Variants in AKR1D1 observed in about 807,000 individuals in gnomAD.
AKR1D1 encodes aldo-keto reductase family 1 member D1.
AKR1D1 carries 32 observed loss-of-function variants against 42.6 expected under a neutral mutation model. The ratio of observed to expected loss-of-function variants is 0.75; its 90% CI spans 0.57 to 1.01. The LOEUF (loss-of-function observed/expected upper bound fraction) is 1.01, where lower values mean the gene tolerates loss of function less well. AKR1D1 is among the 50% of genes least tolerant of loss of function. AKR1D1 has a pLI of 0.00. For synonymous variants in AKR1D1, 123 were observed against 135.5 expected (o/e 0.91, Z 0.64); for missense variants, 364 against 402.2 (o/e 0.91, Z 0.81).
intron 5 of AKR1D1, 124 bp from the exon 6 acceptor site, chr7:138,106,484 T>A (rs1169091682): frequency 1.3e-6 from 1 of 747,766 alleles, no homozygotes; most frequent in African/African-American, 1.7e-5. Context: ...ACACGAAATG[T>A]ATATAGTATG....
chr7:138,077,431 C>T (rs920379684), intron 1 of AKR1D1, among the ~76,000 whole-genome samples: 3 of 152,182 alleles, frequency 2.0e-5, no homozygotes, highest in Non-Finnish European at 4.4e-5. Context: ...AAGTAACCTT[C>T]CCCATGATTC....
At chr7:138,100,782 G>A (rs978452581) in intron 4 of AKR1D1, among the ~76,000 whole-genome samples, 5 of 131,314 alleles carry the variant, frequency 3.8e-5, no homozygotes, top group African/African-American at 6.0e-5. Context: ...TCAGCTCACT[G>A]CAAGCTCCAC....
intron 1 of AKR1D1, among the ~76,000 whole-genome samples, chr7:138,087,680 G>A (rs1364196113): frequency 6.6e-6 from 1 of 152,000 alleles, no homozygotes; most frequent in African/African-American, 2.4e-5. Flanking sequence ...ATGCCACTTT[G>A]TAATCCCTCC....
intron 7 of AKR1D1, among the ~76,000 whole-genome samples, chr7:138,108,523 G>A (rs1287647164): frequency 1.3e-5 from 2 of 152,130 alleles, no homozygotes; most frequent in African/African-American, 4.8e-5. Flanking sequence ...TGGAAGAGTA[G>A]GTTAAATTAT....
At chr7:138,077,181 C>A (rs982359759) in intron 1 of AKR1D1, among the ~76,000 whole-genome samples, 1 of 152,138 alleles carries the variant, frequency 6.6e-6, no homozygotes, top group African/African-American at 2.4e-5. Flanking sequence ...CATTCTCATG[C>A]TGCTATTAAA....
rs768462545 is a variant in AKR1D1 at position 138,116,659 on chromosome 7, C to A, written c.978C>A (p.Tyr326Ter). Residue 326 changes from tyrosine (Y) to a stop codon, truncating the protein, a stop_gained, in exon 9 of 9, where the codon TAC (tyrosine) becomes TAA (stop). Coordinates refer to ENST00000242375, the MANE Select transcript of AKR1D1 (RefSeq NM_005989.4). LOFTEE classifies it high-confidence loss of function. ...DHPEYPFHDEY is the reference protein window; with the variant it reads ...DHPEYPFHDE ...CTGAATACCCATTTCATGATGAATACTGACTGCAGGGAGTTCCTGAACAGA... is the reference window on the plus strand; with the variant it reads ...CTGAATACCCATTTCATGATGAATAATGACTGCAGGGAGTTCCTGAACAGA... The A allele has an allele frequency of 6.2e-7, 1 of 1,613,998 alleles. No individual in the cohort carries two copies. Among genetic ancestry groups the A allele is most frequent in the Non-Finnish European group, 8.5e-7 (1 of 1,180,016 alleles).
intron 1 of AKR1D1, among the ~76,000 whole-genome samples, chr7:138,082,848 T>C (rs191379371): frequency 1.3e-5 from 2 of 152,352 alleles, no homozygotes; most frequent in African/African-American, 4.8e-5. Context: ...TCCTTCTTTT[T>C]TGAGGCTGAA....
intron 1 of AKR1D1, among the ~76,000 whole-genome samples, chr7:138,080,261 G>A (rs1191142733): frequency 1.3e-5 from 2 of 152,106 alleles, no homozygotes; most frequent in African/African-American, 4.8e-5. Flanking sequence ...ATAGAGACGA[G>A]GTATCTCTAT....
At position 138,109,349 on chromosome 7, in the gene AKR1D1, C is replaced by A. The variant is rs190144110; in HGVS notation, c.855+1769C>A. On this transcript the variant is annotated intron_variant, in intron 7 of 8. Transcript: ENST00000242375. Reference sequence around the variant, plus strand: ...CAAATGATTTATAAAGAGATTTAGTCCTCTCTCTCTCTCCCTCCTTTCTCT... The same window carrying A: ...CAAATGATTTATAAAGAGATTTAGTACTCTCTCTCTCTCCCTCCTTTCTCT... Among the ~76,000 whole-genome samples the A allele has an allele frequency of 5.0e-3, 759 of 152,004 alleles. 4 individuals are homozygous for A. The highest frequency in any genetic ancestry group is 0.017 in the African/African-American group (707 of 41,490).
intron 8 of AKR1D1, 130 bp from the exon 9 acceptor site, chr7:138,116,490 G>A (rs1585746098): frequency 5.7e-6 from 6 of 1,050,676 alleles, no homozygotes; most frequent in Non-Finnish European, 8.9e-6. Flanking sequence ...AGGAAAGTAG[G>A]TAAGAAACAG....
chr7:138,095,731 G>A (rs1794170832), intron 3 of AKR1D1, among the ~76,000 whole-genome samples: 1 of 152,046 alleles, frequency 6.6e-6, no homozygotes, highest in Admixed American at 6.5e-5. Flanking sequence ...TTGCCATGTT[G>A]GCCAGGCTGG....
intron 7 of AKR1D1, among the ~76,000 whole-genome samples, chr7:138,112,178 G>C (rs1419057748): frequency 6.6e-6 from 1 of 152,034 alleles, no homozygotes; most frequent in Non-Finnish European, 1.5e-5. Flanking sequence ...ATATTTACTG[G>C]ATAAGAGGCT....
At chr7:138,112,113 A>G (rs190988191) in intron 7 of AKR1D1, among the ~76,000 whole-genome samples, 206 of 152,290 alleles carry the variant, frequency 1.4e-3, no homozygotes, top group Non-Finnish European at 1.6e-3. Context: ...TGATTTCATA[A>G]AATCCTGCAT....
intron 1 of AKR1D1, among the ~76,000 whole-genome samples, chr7:138,088,388 T>C (rs1332720472): frequency 6.6e-6 from 1 of 152,192 alleles, no homozygotes. Context: ...AGGGCAGACC[T>C]GGGACAGATG....
At chr7:138,099,286 C>A (rs1434642002) in intron 4 of AKR1D1, among the ~76,000 whole-genome samples, 1 of 152,120 alleles carries the variant, frequency 6.6e-6, no homozygotes, top group African/African-American at 2.4e-5. Context: ...TAGCCAGTAT[C>A]CCCAGGAAAA....
intron 1 of AKR1D1, among the ~76,000 whole-genome samples, chr7:138,084,352 T>A (rs1316972546): frequency 1.4e-5 from 2 of 146,918 alleles, no homozygotes; most frequent in Non-Finnish European, 3.0e-5. Flanking sequence ...AAATTCTGCC[T>A]CCCAGGCTCA....
chr7:138,094,240 G>T (rs762553558), intron 3 of AKR1D1, among the ~76,000 whole-genome samples: 1 of 152,112 alleles, frequency 6.6e-6, no homozygotes, highest in Non-Finnish European at 1.5e-5. Context: ...GTCAGCCGGG[G>T]ACAGTGGCTC....
chr7:138,103,014 G>A (rs1029370040), intron 4 of AKR1D1, among the ~76,000 whole-genome samples: 4 of 152,148 alleles, frequency 2.6e-5, no homozygotes, highest in Non-Finnish European at 5.9e-5. Context: ...TTTTACAGGT[G>A]TATGCACACA....
intron 7 of AKR1D1, among the ~76,000 whole-genome samples, chr7:138,110,873 T>C (rs1052077116): frequency 2.6e-5 from 4 of 152,188 alleles, no homozygotes; most frequent in Non-Finnish European, 4.4e-5. Flanking sequence ...AAAGAAATTA[T>C]ACCAGGTGTG....
Sources: allele counts gnomAD v4.1 joint callset (sites outside exome capture counted in the v4.1 genomes callset), GRCh38; gene constraint gnomAD v4.1.1; transcripts MANE v1.5; gene names NCBI Gene and HGNC (gene_info 2026-07-23, HGNC 2026-07-21).